Variants in SPON1 observed in about 807,000 individuals in gnomAD.
SPON1 encodes the protein spondin-1.
SPON1 carries 52 observed loss-of-function variants against 111.7 expected under a neutral mutation model. The ratio of observed to expected loss-of-function variants is 0.47; its 90% CI spans 0.37 to 0.59. The LOEUF is 0.59. Among genes scored for constraint, SPON1 ranks in the 20% least tolerant of loss-of-function variants. The pLI, the probability that SPON1 is intolerant of heterozygous loss-of-function variation, is 0.00. For missense variants in SPON1, 957 were observed against 1,068.5 expected (o/e 0.90, Z 1.46); for synonymous variants, 410 against 395.8 (o/e 1.04, Z -0.43).
chr11:13,990,342 G>A (rs1398840496), intron 2 of SPON1, among the ~76,000 whole-genome samples: 1 of 67,216 alleles, frequency 1.5e-5, no homozygotes, highest in African/African-American at 5.4e-5. Context: ...TTTAAAGTCT[G>A]TTTTATCAGA....
At chr11:13,985,762 G>A (rs529919267) in intron 2 of SPON1, among the ~76,000 whole-genome samples, 1 of 152,204 alleles carries the variant, frequency 6.6e-6, no homozygotes, top group South Asian at 2.1e-4. Flanking sequence ...AGTTCACTAA[G>A]TTGACTAAGA....
At chr11:14,172,147 A>G (rs1376635231) in intron 6 of SPON1, among the ~76,000 whole-genome samples, 1 of 151,920 alleles carries the variant, frequency 6.6e-6, no homozygotes, top group African/African-American at 2.4e-5. Context: ...GTAGGTCACT[A>G]AGGACTTGCT....
intron 2 of SPON1, among the ~76,000 whole-genome samples, chr11:14,040,370 TTGAA>T (rs1591359056): frequency 6.6e-6 from 1 of 152,138 alleles, no homozygotes; most frequent in Non-Finnish European, 1.5e-5. Flanking sequence ...AAGTGTAAAG[TTGAA>T]TGAAAGAACC....
At chr11:14,028,304 C>T (rs143626593) in intron 2 of SPON1, among the ~76,000 whole-genome samples, 85 of 151,802 alleles carry the variant, frequency 5.6e-4, no homozygotes, top group African/African-American at 2.0e-3. Flanking sequence ...CAACATAGAC[C>T]TCATCTCTAC....
chr11:14,006,191 G>A (rs1199920524), intron 2 of SPON1, among the ~76,000 whole-genome samples: 1 of 152,088 alleles, frequency 6.6e-6, no homozygotes, highest in Non-Finnish European at 1.5e-5. Flanking sequence ...TGCAAGGTTA[G>A]GGCTTGAGAT....
chr11:14,019,173 C>T (rs974183360), intron 2 of SPON1, among the ~76,000 whole-genome samples: 16 of 152,060 alleles, frequency 1.1e-4, no homozygotes, highest in African/African-American at 3.9e-4. Flanking sequence ...TGTATGGAGT[C>T]TGAGACCAGA....
At chr11:14,139,581 G>T (rs1213134264) in intron 6 of SPON1, among the ~76,000 whole-genome samples, 1 of 151,950 alleles carries the variant, frequency 6.6e-6, no homozygotes, top group East Asian at 1.9e-4. Flanking sequence ...GAACTTATTA[G>T]TTTATTCATT....
At chr11:14,102,907 T>C (rs186149170) in intron 5 of SPON1, among the ~76,000 whole-genome samples, 247 of 152,348 alleles carry the variant, frequency 1.6e-3, no homozygotes, top group Non-Finnish European at 2.6e-3. Context: ...AGAATATGTA[T>C]TGTGCTTCTG....
intron 1 of SPON1, among the ~76,000 whole-genome samples, chr11:13,964,257 C>CT (rs1847998542): frequency 6.6e-6 from 1 of 152,262 alleles, no homozygotes; most frequent in African/African-American, 2.4e-5. Flanking sequence ...AGCGTGTCCT[C>CT]TCACCCTCGC....
intron 6 of SPON1, among the ~76,000 whole-genome samples, chr11:14,226,104 A>G (rs1365365009): frequency 6.6e-6 from 1 of 152,186 alleles, no homozygotes; most frequent in East Asian, 1.9e-4. Flanking sequence ...TAAGTGTTTG[A>G]GTTCACTTTA....
chr11:14,030,947 C>T (rs2133808406), intron 2 of SPON1, among the ~76,000 whole-genome samples: 1 of 152,342 alleles, frequency 6.6e-6, no homozygotes, highest in Admixed American at 6.5e-5. Flanking sequence ...AACGACATGG[C>T]ATCAACTTAG....
At chr11:14,139,043 C>T (rs1220693231) in intron 6 of SPON1, among the ~76,000 whole-genome samples, 1 of 152,276 alleles carries the variant, frequency 6.6e-6, no homozygotes, top group East Asian at 1.9e-4. Flanking sequence ...ATGCCACTCC[C>T]CCACTTAAAA....
At chr11:14,014,747 G>C (rs73420265) in intron 2 of SPON1, among the ~76,000 whole-genome samples, 2,061 of 152,238 alleles carry the variant, frequency 0.014, 41 homozygotes, top group African/African-American at 0.047. Flanking sequence ...CATTTCCAAG[G>C]GACCAGGTCA....
At position 14,178,045 on chromosome 11, in the gene SPON1, A is replaced by AACACACACACACACACACACAC. The variant is rs5789825; in HGVS notation, c.825+42486_825+42507dup. Among the ~76,000 whole-genome samples the AACACACACACACACACACACAC allele has an allele frequency of 9.0e-3, 1,277 of 142,626 alleles. 11 individuals are homozygous for AACACACACACACACACACACAC. Among genetic ancestry groups the AACACACACACACACACACACAC allele is most frequent in the Non-Finnish European group, 0.011 (701 of 64,530 alleles). The allele number at this position is 142,626 out of a possible 152,430, so 93.6% of individuals were successfully genotyped here. Reference sequence around the variant, plus strand: ...CTCACTGTTGTAAAACACACACACAAACACACACACACACACACACACACA... The same window carrying AACACACACACACACACACACAC: ...CTCACTGTTGTAAAACACACACACAAACACACACACACACACACACACACACACACACACACACACACACACA... On this transcript the variant is annotated intron_variant, in intron 6 of 15. Coordinates refer to ENST00000576479, the MANE Select transcript of SPON1 (RefSeq NM_006108.4).
chr11:14,053,971 C>T (rs2133819667), intron 3 of SPON1, among the ~76,000 whole-genome samples: 1 of 152,348 alleles, frequency 6.6e-6, no homozygotes, highest in African/African-American at 2.4e-5. Flanking sequence ...TGCTCTCCTG[C>T]TCTACCACTG....
chr11:14,119,387 T>C (rs78119919), intron 5 of SPON1, among the ~76,000 whole-genome samples: 120 of 152,250 alleles, frequency 7.9e-4, no homozygotes, highest in African/African-American at 2.7e-3. Context: ...TCCAGAATTG[T>C]CCACTTTCCA....
At chr11:14,216,396 G>A (rs1848626762) in intron 6 of SPON1, among the ~76,000 whole-genome samples, 1 of 152,220 alleles carries the variant, frequency 6.6e-6, no homozygotes, top group Non-Finnish European at 1.5e-5. Context: ...CTCCCCCCAT[G>A]AGGAGTAGCT....
At chr11:14,138,351 TTAA>T (rs1847616663) in intron 6 of SPON1, among the ~76,000 whole-genome samples, 1 of 55,836 alleles carries the variant, frequency 1.8e-5, no homozygotes, top group African/African-American at 5.5e-5. Flanking sequence ...AGTGGAAGTA[TTAA>T]TAATAATAAC....
At chr11:13,996,351 A>G (rs1157006699) in intron 2 of SPON1, among the ~76,000 whole-genome samples, 2 of 152,220 alleles carry the variant, frequency 1.3e-5, no homozygotes, top group Non-Finnish European at 2.9e-5. Context: ...TGCCGTGTGA[A>G]AAGTCATTTG....
Sources: gnomAD v4.1 joint callset for allele counts (sites outside exome capture counted in the v4.1 genomes callset) on GRCh38, gnomAD v4.1.1 for gene constraint, MANE v1.5 for transcripts, NCBI Gene and HGNC (gene_info 2026-07-23, HGNC 2026-07-21) for gene names.